The following HSD17B2 variants were observed in gnomAD, a reference collection of about 807,000 sequenced individuals.
HSD17B2 encodes the protein hydroxysteroid 17-beta dehydrogenase 2.
In HSD17B2, 32 loss-of-function variants were observed where a neutral mutation model predicts 26.9. The ratio of observed to expected loss-of-function variants is 1.19; its 90% CI spans 0.90 to 1.60. HSD17B2 has a LOEUF of 1.60. HSD17B2 is among the 40% of genes most tolerant of loss of function. The pLI is 0.00. For synonymous variants in HSD17B2, 246 were observed against 186.7 expected (o/e 1.32, Z -2.59); for missense variants, 613 against 468.6 (o/e 1.31, Z -2.85).
chr16:82,039,612 T>A (rs953561676), intron 1 of HSD17B2, among the ~76,000 whole-genome samples: 3 of 152,186 alleles, frequency 2.0e-5, no homozygotes, highest in Non-Finnish European at 4.4e-5. Context: ...TTTTCCTTCA[T>A]CTTGGACACA....
At chr16:82,087,935 T>C (rs577190779) in intron 3 of HSD17B2, among the ~76,000 whole-genome samples, 86 of 152,278 alleles carry the variant, frequency 5.6e-4, no homozygotes, top group African/African-American at 2.0e-3. Flanking sequence ...CCTCAACGCC[T>C]AATCACCTCT....
intron 3 of HSD17B2, among the ~76,000 whole-genome samples, chr16:82,084,533 C>T (rs1597137402): frequency 6.6e-6 from 1 of 151,606 alleles, no homozygotes; most frequent in Non-Finnish European, 1.5e-5. Flanking sequence ...TTGCCTGCCA[C>T]ATCAAACTGT....
At position 82,097,934 on chromosome 16, in the gene HSD17B2, T is replaced by C. The variant is rs1328094615; in HGVS notation, c.803-141T>C. The C allele has an allele frequency of 6.8e-6, 5 of 738,856 alleles. No homozygotes were observed. The African/African-American group carries it at 7.3e-5, about 11-fold the overall frequency. The allele number at this position is 738,856 out of a possible 1,614,324, so 45.8% of individuals were successfully genotyped here. ...GCCTGAGAGACAGAGAAAGACTCTG[T>C]ATCCCAAAAATAAAAAAATAAAAAA... On this transcript the variant is annotated intron_variant, in intron 4 of 4. Transcript: ENST00000199936.
At chr16:82,042,220 G>T (rs966492103) in intron 1 of HSD17B2, among the ~76,000 whole-genome samples, 1 of 151,918 alleles carries the variant, frequency 6.6e-6, no homozygotes, top group Non-Finnish European at 1.5e-5. Flanking sequence ...GACCAGGCTG[G>T]GCTTGAACCC....
intron 3 of HSD17B2, among the ~76,000 whole-genome samples, chr16:82,078,781 A>T (rs1904318127): frequency 6.6e-6 from 1 of 152,196 alleles, no homozygotes; most frequent in Non-Finnish European, 1.5e-5. Flanking sequence ...ATAAAGACAA[A>T]CTTCACATGT....
At chr16:82,041,511 C>T (rs1192265072) in intron 1 of HSD17B2, among the ~76,000 whole-genome samples, 1 of 152,232 alleles carries the variant, frequency 6.6e-6, no homozygotes, top group Non-Finnish European at 1.5e-5. Flanking sequence ...AAGCGTGCTC[C>T]TGCTTACCCA....
At chr16:82,044,860 G>T (rs186635443) in intron 1 of HSD17B2, among the ~76,000 whole-genome samples, 50 of 152,248 alleles carry the variant, frequency 3.3e-4, no homozygotes, top group African/African-American at 1.2e-3. Flanking sequence ...GCTCACGCTT[G>T]TAATCTCAGC....
intron 3 of HSD17B2, among the ~76,000 whole-genome samples, chr16:82,074,694 G>A (rs1345372544): frequency 6.6e-6 from 1 of 152,156 alleles, no homozygotes; most frequent in Admixed American, 6.5e-5. Context: ...GCACCCAGAT[G>A]TATAAAGGAA....
rs145645229 is a variant in HSD17B2, at chr16:82,045,992, G to A, written c.265+10303G>A. ...TTTGCTCTAGGCAAACTGTTCACCT[G>A]TTGCATTGCCTCCTGAGTCCCCATC... On this transcript the variant is annotated intron_variant, in intron 1 of 4. Coordinates refer to ENST00000199936, the MANE Select transcript of HSD17B2 (RefSeq NM_002153.3). Among the ~76,000 whole-genome samples the A allele has an allele frequency of 2.5e-3, 386 of 152,364 alleles. 2 individuals carry two copies. The highest frequency in any genetic ancestry group is 7.2e-3 in the South Asian group (35 of 4,830).
At chr16:82,096,371 C>T (rs1384103952) in intron 4 of HSD17B2, 1 of 152,030 alleles carries the variant, frequency 6.6e-6, no homozygotes, top group African/African-American at 2.4e-5. Context: ...TCCAGGCACC[C>T]ACCACCATGC....
At chr16:82,039,348 AGAGG>A (rs1913708028) in intron 1 of HSD17B2, among the ~76,000 whole-genome samples, 1 of 130,380 alleles carries the variant, frequency 7.7e-6, no homozygotes, top group Admixed American at 8.2e-5. Flanking sequence ...AGAGAGAGAG[AGAGG>A]GAGAGAGAGA....
At chr16:82,041,671 C>G (rs745814851) in intron 1 of HSD17B2, among the ~76,000 whole-genome samples, 1 of 152,230 alleles carries the variant, frequency 6.6e-6, no homozygotes, top group Admixed American at 6.5e-5. Context: ...CCTCGTTAGC[C>G]TTGCAGGAAC....
At chr16:82,091,522 T>C (rs944028472) in intron 4 of HSD17B2, 1 of 168,304 alleles carries the variant, frequency 5.9e-6, no homozygotes, top group Non-Finnish European at 1.3e-5. Context: ...TTTAAAGTTC[T>C]TTTTTAGTAA....
intron 3 of HSD17B2, among the ~76,000 whole-genome samples, chr16:82,073,683 C>G (rs561588097): frequency 6.6e-6 from 1 of 152,098 alleles, no homozygotes; most frequent in Non-Finnish European, 1.5e-5. Context: ...CTACAAAACA[C>G]TGCTCAAAGA....
chr16:82,044,836 G>C (rs1913872341), intron 1 of HSD17B2, among the ~76,000 whole-genome samples: 2 of 152,150 alleles, frequency 1.3e-5, no homozygotes, highest in South Asian at 4.1e-4. Context: ...CAACACTTCT[G>C]ACTGGGCATG....
At position 82,098,435 on chromosome 16, in the gene HSD17B2, A is replaced by G. The variant is rs8191246; in HGVS notation, c.1163A>G (p.Ter388TrpextTer12). ...RMPNYKKKAT* is the reference protein window; with the variant it reads ...RMPNYKKKATW ...CCTAACTACAAGAAAAAGGCCACCT[A>G]GGCAATGGAAGCCCTCAAAGAAGTC... The change falls in exon 5 of 5, where the codon TAG becomes TGG. Residue 388 changes from the stop codon to tryptophan (W), a stop_lost. Transcript: ENST00000199936. The G allele has an allele frequency of 7.0e-3, 11,132 of 1,589,486 alleles. 270 individuals carry two copies. The highest frequency in any genetic ancestry group is 0.056 in the African/African-American group (4,161 of 73,860).
chr16:82,097,998 C>G (rs1431376692), intron 4 of HSD17B2, 77 bp from the exon 5 acceptor site: 12 of 1,461,782 alleles, frequency 8.2e-6, no homozygotes, highest in Non-Finnish European at 6.5e-6. Context: ...GCCATCCTTC[C>G]CAACAGAGAC....
chr16:82,081,128 T>C (rs1428827854), intron 3 of HSD17B2, among the ~76,000 whole-genome samples: 1 of 152,088 alleles, frequency 6.6e-6, no homozygotes, highest in African/African-American at 2.4e-5. Flanking sequence ...AGCTGCTCAA[T>C]AAACTAAGCA....
intron 1 of HSD17B2, among the ~76,000 whole-genome samples, chr16:82,066,748 C>A (rs181435616): frequency 1.3e-5 from 2 of 152,126 alleles, no homozygotes; most frequent in East Asian, 3.9e-4. Context: ...TATTATTATA[C>A]TGCAAATTAT....
Sources: gnomAD v4.1 joint callset for allele counts (sites outside exome capture counted in the v4.1 genomes callset) on GRCh38, gnomAD v4.1.1 for gene constraint, MANE v1.5 for transcripts, NCBI Gene and HGNC (gene_info 2026-07-23, HGNC 2026-07-21) for gene names.